The following AADAT variants were observed in gnomAD, a reference collection of about 807,000 sequenced individuals.
The protein encoded by AADAT is kynurenine/alpha-aminoadipate aminotransferase, mitochondrial.
Under a neutral mutation model 56.2 loss-of-function variants are expected in AADAT, and 25 were observed. The observed-to-expected ratio is 0.44, with a 90% confidence interval of 0.32 to 0.62. AADAT has a LOEUF of 0.62. Among genes scored for constraint, AADAT ranks in the 20% least tolerant of loss-of-function variants. The pLI is 0.04. For missense variants in AADAT, 387 were observed against 510.5 expected, an observed-to-expected ratio of 0.76 and a Z score of 2.33; for synonymous variants, 173 against 164.7, an observed-to-expected ratio of 1.05 and a Z score of -0.39.
At chr4:170,072,533 A>G (rs1454274087) in intron 5 of AADAT, among the ~76,000 whole-genome samples, 1 of 152,240 alleles carries the variant, frequency 6.6e-6, no homozygotes, top group African/African-American at 2.4e-5. Flanking sequence ...TATAGAGTTT[A>G]ACATGGGTTT....
chr4:170,065,350 A>G lies in AADAT; in HGVS notation c.1028-525T>C, dbSNP rs559441582. Among the ~76,000 whole-genome samples the G allele has an allele frequency of 2.0e-3, 302 of 152,260 alleles. 3 individuals carry two copies. Among genetic ancestry groups the G allele is most frequent in the Non-Finnish European group, 3.4e-3 (230 of 68,014 alleles). On this transcript the variant is annotated intron_variant, in intron 10 of 12. Coordinates refer to ENST00000337664, the MANE Select transcript of AADAT (RefSeq NM_016228.4). ...GAAGCAGTTGTGGGCTTTACGTTTC[A>G]TTGAGTATTAGGATAGAGAAATCAA...
chr4:170,077,376 T>A (rs1732091130), intron 4 of AADAT, among the ~76,000 whole-genome samples: 1 of 152,266 alleles, frequency 6.6e-6, no homozygotes, highest in South Asian at 2.1e-4. Flanking sequence ...TTCAGCAAAA[T>A]TTTTCAGTTT....
chr4:170,086,778 G>C (rs141638404), intron 3 of AADAT, among the ~76,000 whole-genome samples: 7 of 152,280 alleles, frequency 4.6e-5, no homozygotes, highest in African/African-American at 1.7e-4. Flanking sequence ...GAAAGATTAG[G>C]CTAGTGAATG....
chr4:170,067,908 A>G (rs111832056), intron 8 of AADAT, among the ~76,000 whole-genome samples: 1,523 of 152,242 alleles, frequency 0.01, 8 homozygotes, highest in Non-Finnish European at 0.016. Flanking sequence ...GAGGCCCAAC[A>G]GGGGTGGATC....
rs185958398 is a variant in AADAT, at chr4:170,072,302, T to C, written c.654+834A>G. 9.8e-4 allele frequency among the ~76,000 whole-genome samples: 140 copies of C among 143,186 alleles called. 4 individuals are homozygous for C. In the East Asian group the frequency reaches 0.026, roughly 27 times the overall value. 93.9% of individuals were successfully genotyped at this position (143,186 alleles called of 152,430 possible). On this transcript the variant is annotated intron_variant, in intron 5 of 12. Coordinates refer to ENST00000337664, the MANE Select transcript of AADAT (RefSeq NM_016228.4). The stretch of plus-strand genomic sequence containing the variant: ...GTGTGTATATATATGTGTGTGTGTA[T>C]ATATATATATATATTTAGAGTTGGG...
At position 170,079,882 on chromosome 4, in the gene AADAT, G is replaced by T. The variant is rs376840609; in HGVS notation, c.370-1299C>A. On this transcript the variant is annotated intron_variant, in intron 3 of 12. Coordinates refer to ENST00000337664, the MANE Select transcript of AADAT (RefSeq NM_016228.4). Reference sequence around the variant, plus strand: ...GGAGCCTGGAAGTTACTGGCATATGGTTGATCATGTGAATGTAAATGAAGA... The same window carrying T: ...GGAGCCTGGAAGTTACTGGCATATGTTTGATCATGTGAATGTAAATGAAGA... 3.9e-5 allele frequency among the ~76,000 whole-genome samples: 6 copies of T among 152,312 alleles called. No homozygotes were observed. The East Asian group carries it at 9.6e-4, about 24-fold the overall frequency.
chr4:170,068,511 C>T (rs2111157996), intron 8 of AADAT, 80 bp downstream of exon 8: 1 of 1,072,154 alleles, frequency 9.3e-7, no homozygotes, highest in Admixed American at 2.6e-5. Flanking sequence ...GTTTGGAGTT[C>T]CTGTGCTCTA....
chr4:170,065,936 T>A (rs571802190), intron 10 of AADAT, among the ~76,000 whole-genome samples: 16 of 152,156 alleles, frequency 1.1e-4, no homozygotes, highest in Non-Finnish European at 2.1e-4. Flanking sequence ...AATTTGACCT[T>A]CATAATAAAA....
chr4:170,063,637 T>C (rs1429450798), intron 11 of AADAT, among the ~76,000 whole-genome samples: 1 of 152,194 alleles, frequency 6.6e-6, no homozygotes, highest in Non-Finnish European at 1.5e-5. Context: ...CCCAAGGTGG[T>C]GGAGGTAGGA....
At chr4:170,091,348 G>C (rs988187916), upstream of AADAT, among the ~76,000 whole-genome samples, 2 of 152,122 alleles carry the variant, frequency 1.3e-5, no homozygotes, top group East Asian at 1.9e-4. Flanking sequence ...CGCCAGACCC[G>C]GGTAGTGAGG....
chr4:170,077,821 G>A (rs2111187450), intron 4 of AADAT, among the ~76,000 whole-genome samples: 1 of 152,302 alleles, frequency 6.6e-6, no homozygotes, highest in East Asian at 1.9e-4. Flanking sequence ...ATGTATTTGA[G>A]GACAGTTTTC....
intron 3 of AADAT, 55 bp from the exon 4 acceptor site, chr4:170,078,638 C>G: frequency 7.8e-7 from 1 of 1,285,288 alleles, no homozygotes; most frequent in Non-Finnish European, 1.1e-6. Context: ...GTACTGTTTC[C>G]ATGCTCAGAA....
At chr4:170,073,897 T>G (rs1176323657) in intron 4 of AADAT, among the ~76,000 whole-genome samples, 1 of 151,876 alleles carries the variant, frequency 6.6e-6, no homozygotes, top group Non-Finnish European at 1.5e-5. Context: ...CCATGTGTCT[T>G]GCAGTGGGCA....
chr4:170,080,508 C>T (rs2622069), intron 3 of AADAT, among the ~76,000 whole-genome samples: 14 of 151,850 alleles, frequency 9.2e-5, no homozygotes, highest in Non-Finnish European at 1.8e-4. Flanking sequence ...GAGACAAAAT[C>T]GGGAGGCAGG....
At chr4:170,088,767 G>A (rs1381768456) in intron 1 of AADAT, among the ~76,000 whole-genome samples, 2 of 152,178 alleles carry the variant, frequency 1.3e-5, no homozygotes, top group African/African-American at 2.4e-5. Flanking sequence ...GGGGTCTCTA[G>A]AGGTGATTAG....
intron 8 of AADAT, 83 bp from the exon 9 acceptor site, chr4:170,067,471 A>C: frequency 9.6e-7 from 1 of 1,043,126 alleles, no homozygotes; most frequent in Non-Finnish European, 1.5e-6. Context: ...CTCACTTTTG[A>C]TTACATGTAA....
intron 8 of AADAT, among the ~76,000 whole-genome samples, chr4:170,067,799 A>G (rs1731546922): frequency 6.6e-6 from 1 of 152,218 alleles, no homozygotes; most frequent in African/African-American, 2.4e-5. Flanking sequence ...AATGTACAGT[A>G]GATGTGTAAA....
In AADAT at chr4:170,073,246, C is replaced by T; in HGVS notation, c.544G>A (p.Asp182Asn). ...GTGTTTTTCTGGGGATTCTTTGCAT[C>T]TTCTGGTTTCCATCTGGAAAGTATG... ...RDILSRWKPE[D>N]AKNPQKNTPK... is the part of the protein sequence containing the mutation. The change falls in exon 5 of 13, where the codon GAT (aspartate) becomes AAT (asparagine). Residue 182 changes from aspartate (D) to asparagine (N), a missense_variant. Transcript: ENST00000337664. 1 of 1,614,048 alleles carries T rather than the reference C, an allele frequency of 6.2e-7. No homozygotes were observed. The highest frequency in any genetic ancestry group is 1.3e-5 in the African/African-American group (1 of 74,986).
intron 5 of AADAT, among the ~76,000 whole-genome samples, chr4:170,070,875 G>A (rs1330746850): frequency 2.0e-5 from 3 of 152,184 alleles, no homozygotes; most frequent in Non-Finnish European, 2.9e-5. Context: ...ACATAAGCCT[G>A]TGGATCATGA....
Sources: allele counts gnomAD v4.1 joint callset (sites outside exome capture counted in the v4.1 genomes callset), GRCh38; gene constraint gnomAD v4.1.1; transcripts MANE v1.5; gene names NCBI Gene and HGNC (gene_info 2026-07-23, HGNC 2026-07-21).